Variants in CRYZL1 observed in about 807,000 individuals in gnomAD.
The protein encoded by CRYZL1 is crystallin zeta like 1, also known as ferry endosomal RAB5 effector complex subunit 4.
In CRYZL1, 34 loss-of-function variants were observed where a neutral mutation model predicts 50.6. The ratio of observed to expected loss-of-function variants is 0.67; its 90% CI spans 0.51 to 0.89. The LOEUF (loss-of-function observed/expected upper bound fraction) is 0.89. Ranked by LOEUF, CRYZL1 falls within the 40% of genes least tolerant of loss-of-function variation. CRYZL1 has a pLI of 0.00. For synonymous variants in CRYZL1, 125 were observed against 134.3 expected (o/e 0.93, Z 0.48); for missense variants, 354 against 402.3 (o/e 0.88, Z 1.03).
chr21:33,597,185 T>G, intron 10 of CRYZL1, 95 bp downstream of exon 10: 1 of 1,280,786 alleles, frequency 7.8e-7, no homozygotes, highest in Non-Finnish European at 1.1e-6. Flanking sequence ...TTTATACTAA[T>G]TTAGTCATAC....
Position 33,602,710 on chromosome 21 carries a change from ATC to A in CRYZL1, c.466-367_466-366del, listed in dbSNP as rs1291925105. On this transcript the variant is annotated intron_variant, in intron 7 of 12. Coordinates refer to ENST00000381554, the MANE Select transcript of CRYZL1 (RefSeq NM_145858.3). ...ATATACTATATATGGGAGTCCAGCT[ATC>A]TCTCTTTGAAGATCAAAACACTTCA... Among the ~76,000 whole-genome samples the A allele has an allele frequency of 6.6e-5, 10 of 152,298 alleles. 1 individual carries two copies. The highest frequency in any genetic ancestry group is 2.2e-4 in the African/African-American group (9 of 41,568).
intron 10 of CRYZL1, chr21:33,596,146 G>GT: frequency 1.8e-6 from 1 of 552,804 alleles, no homozygotes; most frequent in South Asian, 1.6e-5. Flanking sequence ...AGATTGGTAG[G>GT]TGAGAATTAC....
intron 8 of CRYZL1, among the ~76,000 whole-genome samples, chr21:33,599,805 A>T (rs2145921718): frequency 6.6e-6 from 1 of 151,486 alleles, no homozygotes; most frequent in South Asian, 2.1e-4. Flanking sequence ...CTATTTTTTT[A>T]ATTTTTTTTT....
intron 1 of CRYZL1, chr21:33,641,167 G>A: frequency 6.5e-7 from 1 of 1,550,264 alleles, no homozygotes; most frequent in East Asian, 2.4e-5. Flanking sequence ...CCTATCCCAA[G>A]GCGATGCTTA....
At chr21:33,620,302 A>G (rs571077784) in intron 4 of CRYZL1, among the ~76,000 whole-genome samples, 2 of 152,336 alleles carry the variant, frequency 1.3e-5, no homozygotes, top group East Asian at 1.9e-4. Flanking sequence ...TATTAAGTAT[A>G]GGTCTATTTA....
rs1315742915 is a variant in CRYZL1, at chr21:33,610,769, T to C, written c.331+2769A>G. Among the ~76,000 whole-genome samples the C allele has an allele frequency of 5.5e-5, 8 of 144,660 alleles. No homozygotes were observed. The East Asian group carries it at 1.5e-3, about 26-fold the overall frequency. 94.9% of individuals were successfully genotyped at this position (144,660 alleles called of 152,430 possible). A position where few individuals can be genotyped will look rare whatever the true frequency, so the allele number is the denominator to read the frequency against. On this transcript the variant is annotated intron_variant, in intron 6 of 12. Transcript: ENST00000381554. ...TTTTTTTTGAGACAGAGTCTTACTCTGTCACCGAGGCTGGAGTACAGTGGC... is the reference window on the plus strand; with the variant it reads ...TTTTTTTTGAGACAGAGTCTTACTCCGTCACCGAGGCTGGAGTACAGTGGC...
intron 1 of CRYZL1, chr21:33,641,295 G>C (rs1003365626): frequency 6.5e-7 from 1 of 1,549,144 alleles, no homozygotes; most frequent in African/African-American, 1.4e-5. Flanking sequence ...TGATGAGGAA[G>C]AAAGAAGTGG....
Position 33,597,338 on chromosome 21 carries a change from T to C in CRYZL1, c.740A>G (p.Asp247Gly). 2 of 1,610,844 alleles carry C rather than the reference T, an allele frequency of 1.2e-6. No individual in the cohort carries two copies. Among genetic ancestry groups the C allele is most frequent in the African/African-American group, 1.3e-5 (1 of 74,966 alleles). The change falls in exon 10 of 13, where the codon GAT (aspartate) becomes GGT (glycine). Residue 247 changes from aspartate to glycine, a missense_variant. Physicochemically the swap from Asp to Gly is moderately conservative, Grantham distance 94. Transcript: ENST00000381554. The part of the protein sequence containing the change: ...VKLQLLPHKH[D>G]IITLLGVGGH... ...TCCAACACCAAGAAGTGTGATGATA[T>C]CATGTTTATGTGGTAGTAGTTGTAG...
intron 1 of CRYZL1, among the ~76,000 whole-genome samples, chr21:33,637,760 C>CATACAT (rs1362446738): frequency 1.5e-5 from 2 of 131,738 alleles, no homozygotes; most frequent in African/African-American, 5.7e-5. Flanking sequence ...AAGAGAAAAA[C>CATACAT]ATATATATAT....
chr21:33,616,661 C>T (rs762374776), intron 5 of CRYZL1, 45 bp downstream of exon 5: 50 of 1,603,066 alleles, frequency 3.1e-5, no homozygotes, highest in African/African-American at 1.2e-4. Context: ...ACAGAGATGA[C>T]GGTAAAATAG....
chr21:33,602,041 T>C (rs2086762371), intron 8 of CRYZL1, among the ~76,000 whole-genome samples, 193 bp downstream of exon 8: 1 of 151,908 alleles, frequency 6.6e-6, no homozygotes, highest in East Asian at 1.9e-4. Context: ...AGGTCTTCTA[T>C]GTTGCTCAGG....
At position 33,599,421 on chromosome 21, in the gene CRYZL1, CATCTAACCCA is replaced by C. The variant is rs1294983541; in HGVS notation, c.578-183_578-174del. 7 of 859,516 alleles carry C rather than the reference CATCTAACCCA, an allele frequency of 8.1e-6. No individual in the cohort carries two copies. The African/African-American group carries it at 1.2e-4, about 15-fold the overall frequency. The allele number at this position is 859,516 out of a possible 1,614,324, so 53.2% of individuals were successfully genotyped here. On this transcript the variant is annotated intron_variant, in intron 8 of 12. Transcript: ENST00000381554. ...AGTCAATTTAAATTATACTTTTTCT[CATCTAACCCA>C]ATATGGGATATAGCAGTCTAAATGA...
intron 6 of CRYZL1, among the ~76,000 whole-genome samples, chr21:33,607,582 T>C (rs1196793804): frequency 1.3e-5 from 2 of 152,038 alleles, no homozygotes; most frequent in Non-Finnish European, 2.9e-5. Context: ...CAGTGAATTG[T>C]GATAATTCCA....
chr21:33,618,403 A>T (rs1409220358), intron 4 of CRYZL1, among the ~76,000 whole-genome samples: 1 of 152,166 alleles, frequency 6.6e-6, no homozygotes, highest in Non-Finnish European at 1.5e-5. Context: ...GAGTTACAAG[A>T]GGAAAGGGGA....
chr21:33,609,194 T>A (rs969876916), intron 6 of CRYZL1, among the ~76,000 whole-genome samples: 1 of 152,234 alleles, frequency 6.6e-6, no homozygotes, highest in Non-Finnish European at 1.5e-5. Context: ...CTTGCTGTTT[T>A]CTGAGCTCCT....
chr21:33,637,247 T>C (rs2145966553), intron 1 of CRYZL1, among the ~76,000 whole-genome samples: 1 of 152,004 alleles, frequency 6.6e-6, no homozygotes, highest in East Asian at 1.9e-4. Flanking sequence ...AGATGGCGAC[T>C]ATCCTGGCTA....
intron 11 of CRYZL1, 34 bp from the exon 12 acceptor site, chr21:33,591,241 A>G (rs2086640533): frequency 6.4e-7 from 1 of 1,568,482 alleles, no homozygotes; most frequent in African/African-American, 1.4e-5. Context: ...GGCAATGTAA[A>G]GGAGAATTAA....
At chr21:33,627,968 A>G (rs755839148) in intron 2 of CRYZL1, among the ~76,000 whole-genome samples, 7 of 151,906 alleles carry the variant, frequency 4.6e-5, no homozygotes, top group Non-Finnish European at 1.0e-4. Flanking sequence ...GACGGTCTCG[A>G]TCTCCTGACC....
At chr21:33,620,805 G>GA (rs905131148) in intron 4 of CRYZL1, among the ~76,000 whole-genome samples, 5 of 144,370 alleles carry the variant, frequency 3.5e-5, no homozygotes, top group African/African-American at 5.1e-5. Flanking sequence ...GTGAGACTCT[G>GA]AAAAAAAACA....
Sources: allele counts gnomAD v4.1 joint callset (sites outside exome capture counted in the v4.1 genomes callset), GRCh38; gene constraint gnomAD v4.1.1; transcripts MANE v1.5; gene names NCBI Gene and HGNC (gene_info 2026-07-23, HGNC 2026-07-21).